Variants in IKZF1 observed in about 807,000 individuals in gnomAD.
The protein encoded by IKZF1 is DNA-binding protein Ikaros.
IKZF1 carries 10 observed loss-of-function variants against 51.7 expected under a neutral mutation model. That is an observed-to-expected ratio of 0.19 (90% CI 0.12 to 0.33). The LOEUF (loss-of-function observed/expected upper bound fraction) is 0.33, where lower values mean the gene tolerates loss of function less well. IKZF1 is among the 10% of genes least tolerant of loss of function. The pLI is 1.00. For synonymous variants in IKZF1, 280 were observed against 282.3 expected (o/e 0.99, Z 0.08); for missense variants, 484 against 707.5 (o/e 0.68, Z 3.58).
chr7:50,379,202 G>T (rs1456711256), intron 4 of IKZF1, among the ~76,000 whole-genome samples: 2 of 152,238 alleles, frequency 1.3e-5, no homozygotes, highest in Non-Finnish European at 2.9e-5. Flanking sequence ...GTGCAGCTGA[G>T]CAGTGACAGT....
At chr7:50,311,375 C>T (rs925953807) in intron 1 of IKZF1, among the ~76,000 whole-genome samples, 1 of 152,176 alleles carries the variant, frequency 6.6e-6, no homozygotes, top group South Asian at 2.1e-4. Context: ...TTTTGTAGAT[C>T]TTGTCTTACC....
At chr7:50,313,541 TG>T (rs1487810237) in intron 1 of IKZF1, among the ~76,000 whole-genome samples, 1 of 152,228 alleles carries the variant, frequency 6.6e-6, no homozygotes, top group Non-Finnish European at 1.5e-5. Flanking sequence ...GTCATGCATT[TG>T]GAGTGTGCGA....
chr7:50,362,905 C>A (rs910927748), intron 3 of IKZF1, among the ~76,000 whole-genome samples: 1 of 152,150 alleles, frequency 6.6e-6, no homozygotes, highest in Non-Finnish European at 1.5e-5. Flanking sequence ...GGACAGGAAA[C>A]ACAGGCAGGA....
chr7:50,370,890 T>G, intron 3 of IKZF1, among the ~76,000 whole-genome samples: 1 of 152,288 alleles, frequency 6.6e-6, no homozygotes, highest in African/African-American at 2.4e-5. Flanking sequence ...TTCAGGGAGA[T>G]GTACCATTTC....
At position 50,391,785 on chromosome 7, in the gene IKZF1, T is replaced by C. The variant is rs781179064; in HGVS notation, c.772T>C (p.Ser258Pro). Residue 258 changes from serine (S) to proline (P), a missense_variant, in exon 7 of 8, where the codon TCA becomes CCA. Around this residue, in one of 6 missense-constraint regions of IKZF1, gnomAD observed 172 missense variants for 192.7 expected, o/e 0.89. Coordinates refer to ENST00000331340, the MANE Select transcript of IKZF1 (RefSeq NM_006060.6). ...GGCAGAAGACCTGTGCAAGATAGGA[T>C]CAGAGAGATCTCTCGTGCTGGACAG... ...EMAEDLCKIG[S>P]ERSLVLDRLA... 4 of 1,613,848 alleles carry C rather than the reference T, an allele frequency of 2.5e-6. No individual in the cohort carries two copies. Among genetic ancestry groups the C allele is most frequent in the Non-Finnish European group, 3.4e-6 (4 of 1,179,888 alleles).
chr7:50,399,999 T>G lies in IKZF1; in HGVS notation c.932T>G (p.Met311Arg), dbSNP rs1817714915. 1.2e-6 allele frequency: 2 copies of G among 1,613,290 alleles called. No individual in the cohort carries two copies. The highest frequency in any genetic ancestry group is 1.7e-6 in the Non-Finnish European group (2 of 1,179,726). ...KENEMMKSHV[M>R]DQAINNAINY... The stretch of plus-strand genomic sequence containing the variant: ...AACGAAATGATGAAGTCCCACGTGA[T>G]GGACCAAGCCATCAACAACGCCATC... The change falls in exon 8 of 8, where the codon ATG becomes AGG. Residue 311 changes from methionine to arginine, a missense_variant. By Grantham distance (91) the Met-to-Arg change is moderately conservative. This residue lies in a region of IKZF1 where 172 missense variants were observed against 192.7 expected (regional missense o/e 0.89). Coordinates refer to ENST00000331340, the MANE Select transcript of IKZF1 (RefSeq NM_006060.6).
chr7:50,332,733 A>G (rs1371497257), intron 3 of IKZF1, among the ~76,000 whole-genome samples: 1 of 152,222 alleles, frequency 6.6e-6, no homozygotes, highest in Non-Finnish European at 1.5e-5. Flanking sequence ...AGGGCTTACT[A>G]AATGACTTGC....
chr7:50,339,123 A>G (rs1798453233), intron 3 of IKZF1, among the ~76,000 whole-genome samples: 1 of 152,076 alleles, frequency 6.6e-6, no homozygotes, highest in African/African-American at 2.4e-5. Context: ...GAGCTGGTTT[A>G]TCTGTGCACC....
intron 7 of IKZF1, among the ~76,000 whole-genome samples, chr7:50,392,720 A>G (rs79000218): frequency 0.063 from 9,551 of 152,324 alleles, 365 homozygotes; most frequent in South Asian, 0.14. Context: ...CTGTCCGGAA[A>G]GAGGACCAGT....
chr7:50,369,310 G>C, intron 3 of IKZF1: 1 of 389,354 alleles, frequency 2.6e-6, no homozygotes, highest in African/African-American at 2.1e-5. Flanking sequence ...TGTGAAGTCT[G>C]AGGAAGGTGT....
intron 2 of IKZF1, among the ~76,000 whole-genome samples, chr7:50,325,982 A>G (rs539654584): frequency 6.6e-6 from 1 of 152,314 alleles, no homozygotes; most frequent in East Asian, 1.9e-4. Flanking sequence ...CTTTCTGAAA[A>G]TATGCCAATT....
intron 3 of IKZF1, among the ~76,000 whole-genome samples, chr7:50,344,687 G>A (rs188923550): frequency 1.3e-5 from 2 of 152,192 alleles, no homozygotes; most frequent in East Asian, 1.9e-4. Context: ...ATTGCTTCAC[G>A]ATCACATAAC....
intron 3 of IKZF1, among the ~76,000 whole-genome samples, chr7:50,375,413 TGATC>T (rs1490087814): frequency 2.0e-5 from 3 of 152,200 alleles, no homozygotes; most frequent in Non-Finnish European, 4.4e-5. Context: ...TCTATCTCAT[TGATC>T]ATTTTACTTG....
chr7:50,385,569 T>C (rs1813144315), intron 5 of IKZF1, among the ~76,000 whole-genome samples: 2 of 152,334 alleles, frequency 1.3e-5, no homozygotes, highest in South Asian at 2.1e-4. Context: ...CCAAAGAATA[T>C]TGGACTATGC....
rs1424834532 is a variant in IKZF1 at position 50,327,686 on chromosome 7, C to A, written c.89C>A (p.Pro30His). 6 of 1,613,682 alleles carry A rather than the reference C, an allele frequency of 3.7e-6. No individual in the cohort carries two copies. Among genetic ancestry groups the A allele is most frequent in the Non-Finnish European group, 5.1e-6 (6 of 1,179,774 alleles). The change falls in exon 3 of 8, where the codon CCC (proline) becomes CAC (histidine). Residue 30 changes from proline to histidine, a missense_variant. Around this residue, in one of 6 missense-constraint regions of IKZF1, gnomAD observed 118 missense variants for 138.4 expected, o/e 0.85. Transcript: ENST00000331340. ...VSDTPDEGDE[P>H]MPIPEDLSTT... ...GATACTCCAGATGAGGGCGATGAGC[C>A]CATGCCGATCCCCGAGGACCTCTCC... is the stretch of plus-strand genomic sequence containing the variant.
intron 4 of IKZF1, among the ~76,000 whole-genome samples, chr7:50,381,756 TAAAG>T (rs775150573): frequency 1.3e-5 from 2 of 152,260 alleles, no homozygotes; most frequent in Non-Finnish European, 2.9e-5. Flanking sequence ...TTAGGATTTG[TAAAG>T]AAAGAAAAAG....
chr7:50,322,650 T>C (rs984283529), intron 2 of IKZF1, among the ~76,000 whole-genome samples: 1 of 152,222 alleles, frequency 6.6e-6, no homozygotes, highest in African/African-American at 2.4e-5. Context: ...CCTTTTGTGT[T>C]TTTGGCAGTC....
At chr7:50,343,168 TCCCCACCCTCCCTC>T (rs1799490331) in intron 3 of IKZF1, among the ~76,000 whole-genome samples, 1 of 80,148 alleles carries the variant, frequency 1.2e-5, no homozygotes, top group African/African-American at 5.0e-5. Flanking sequence ...CCTCCTTCCC[TCCCCACCCTCCCTC>T]CCTTCCCCTC....
intron 1 of IKZF1, among the ~76,000 whole-genome samples, chr7:50,314,592 C>G (rs1251573926): frequency 3.3e-5 from 5 of 152,212 alleles, no homozygotes; most frequent in Admixed American, 3.3e-4. Flanking sequence ...AGGCATCTAT[C>G]TGCATTTTCA....
Sources: allele counts gnomAD v4.1 joint callset (sites outside exome capture counted in the v4.1 genomes callset), GRCh38; gene constraint gnomAD v4.1.1; regional missense constraint gnomAD v4.1.1; transcripts MANE v1.5; gene names NCBI Gene and HGNC (gene_info 2026-07-23, HGNC 2026-07-21).